STS: variants seen among roughly 807,000 people sequenced by gnomAD.
STS encodes the protein steroid sulfatase.
In STS, 7 loss-of-function variants were observed where a neutral mutation model predicts 26.8. The observed-to-expected ratio is 0.26, with a 90% CI of 0.15 to 0.49. The LOEUF (loss-of-function observed/expected upper bound fraction) is 0.49, where lower values mean the gene tolerates loss of function less well. Ranked by LOEUF, STS falls within the 20% of genes least tolerant of loss-of-function variation. The probability of loss-of-function intolerance (pLI) is 0.98; values close to 1 mark genes in which losing one functional copy is unlikely to be tolerated. For missense variants in STS, 434 were observed against 465.6 expected (o/e 0.93, Z 0.63); for synonymous variants, 199 against 189.4 (o/e 1.05, Z -0.42).
intron 7 of STS, among the ~76,000 whole-genome samples, chrX:7,277,451 A>G (rs1924596404): frequency 8.9e-6 from 1 of 111,738 alleles, no homozygotes; most frequent in Non-Finnish European, 1.9e-5. Flanking sequence ...GATTGTCAGA[A>G]CAAATTTTGT....
chrX:7,258,691 C>T (rs772819383), intron 5 of STS, among the ~76,000 whole-genome samples: 1 of 111,071 alleles, frequency 9.0e-6, no homozygotes, highest in African/African-American at 3.3e-5. Flanking sequence ...TTGTGAGGCA[C>T]TCATTAATTT....
chrX:7,192,583 T>C (rs1316524207), intron 2 of STS, among the ~76,000 whole-genome samples: 1 of 105,985 alleles, frequency 9.4e-6, no homozygotes, highest in Admixed American at 1.0e-4. Flanking sequence ...AAAAAATAGA[T>C]GAACGGCAGT....
intron 2 of STS, among the ~76,000 whole-genome samples, chrX:7,244,350 G>A (rs899930406): frequency 5.4e-5 from 6 of 111,873 alleles, no homozygotes; most frequent in Non-Finnish European, 1.1e-4. Flanking sequence ...CATAATTTGC[G>A]GAAGTATGTT....
At chrX:7,229,689 A>G (rs1424617101) in intron 2 of STS, among the ~76,000 whole-genome samples, 4 of 110,623 alleles carry the variant, frequency 3.6e-5, no homozygotes, top group African/African-American at 9.9e-5. Context: ...CCTCATCAGG[A>G]TGCTGATCTG....
intron 10 of STS, among the ~76,000 whole-genome samples, chrX:7,336,927 T>C (rs1474031127): frequency 5.4e-5 from 6 of 110,290 alleles, no homozygotes; most frequent in Non-Finnish European, 1.1e-4. Flanking sequence ...AAAATAGGAG[T>C]GAGAAAAACA....
At chrX:7,320,131 A>G (rs942207483) in intron 8 of STS, among the ~76,000 whole-genome samples, 34 of 96,394 alleles carry the variant, frequency 3.5e-4, no homozygotes, top group Admixed American at 1.1e-3. Flanking sequence ...TTTTATATAT[A>G]TTTTTATTAT....
chrX:7,271,798 A>T (rs1418996166), intron 6 of STS, among the ~76,000 whole-genome samples: 1 of 107,768 alleles, frequency 9.3e-6, no homozygotes, highest in Non-Finnish European at 1.9e-5. Context: ...AAAAAAAAAA[A>T]GGTTGGGGGG....
intron 2 of STS, among the ~76,000 whole-genome samples, chrX:7,197,513 A>G (rs1428090101): frequency 2.7e-5 from 3 of 111,933 alleles, no homozygotes; most frequent in Non-Finnish European, 5.6e-5. Flanking sequence ...CTCTAGGTAC[A>G]GTACTTGTTT....
intron 2 of STS, among the ~76,000 whole-genome samples, chrX:7,235,798 A>G (rs1159160905): frequency 9.0e-6 from 1 of 111,520 alleles, no homozygotes; most frequent in Non-Finnish European, 1.9e-5. Flanking sequence ...AAACATAGGG[A>G]AATTAAAGGA....
chrX:7,280,472 G>A (rs1924804798), intron 7 of STS, among the ~76,000 whole-genome samples: 1 of 112,235 alleles, frequency 8.9e-6, no homozygotes. Context: ...TTCAATCCCA[G>A]TTAATTCTGA....
At chrX:7,301,866 A>G (rs1436096380) in intron 7 of STS, among the ~76,000 whole-genome samples, 1 of 112,035 alleles carries the variant, frequency 8.9e-6, no homozygotes, top group African/African-American at 3.2e-5. Context: ...AGATCCTTCC[A>G]TGCTTTTCAT....
chrX:7,279,787 GCTT>G (rs1439653546), intron 7 of STS, among the ~76,000 whole-genome samples: 3 of 110,299 alleles, frequency 2.7e-5, no homozygotes, highest in Non-Finnish European at 5.7e-5. Flanking sequence ...GAGACTTGAG[GCTT>G]CTTCGGTTTA....
chrX:7,307,153 T>C (rs910994772), intron 8 of STS, among the ~76,000 whole-genome samples: 12 of 111,192 alleles, frequency 1.1e-4, no homozygotes, highest in Non-Finnish European at 2.1e-4. Flanking sequence ...TTCCTTTAGG[T>C]CTCATTGTTA....
chrX:7,320,430 T>A (rs776981210), intron 8 of STS, among the ~76,000 whole-genome samples: 26 of 110,945 alleles, frequency 2.3e-4, no homozygotes, highest in African/African-American at 8.5e-4. Flanking sequence ...TTTCCTGATT[T>A]AATAGTTTGG....
chrX:7,325,600 C>A, intron 9 of STS, 102 bp downstream of exon 9: 2 of 993,685 alleles, frequency 2.0e-6, no homozygotes, highest in East Asian at 6.1e-5. Context: ...GGCCTTTGGC[C>A]CCCTGGAGTT....
chrX:7,277,856 C>G (rs1490110628), intron 7 of STS, among the ~76,000 whole-genome samples: 2 of 112,152 alleles, frequency 1.8e-5, no homozygotes, highest in Non-Finnish European at 3.8e-5. Flanking sequence ...TTTTTCGCAT[C>G]TTAGTGTAAA....
intron 2 of STS, among the ~76,000 whole-genome samples, chrX:7,235,173 G>A (rs1284228144): frequency 8.9e-6 from 1 of 112,274 alleles, no homozygotes; most frequent in African/African-American, 3.2e-5. Context: ...TCTTAGATCT[G>A]AGCAAGAGAG....
chrX:7,156,947 G>C (rs1421909599), intron 1 of STS, among the ~76,000 whole-genome samples: 4 of 111,628 alleles, frequency 3.6e-5, no homozygotes, highest in African/African-American at 9.8e-5. Flanking sequence ...CCAAACCAGA[G>C]ATTTGAGAGC....
At chrX:7,276,739 G>A (rs1217450436) in intron 7 of STS, among the ~76,000 whole-genome samples, 2 of 112,141 alleles carry the variant, frequency 1.8e-5, no homozygotes, top group Non-Finnish European at 3.8e-5. Flanking sequence ...ACAGTGACGA[G>A]ATCCTCGTGT....
Sources: gnomAD v4.1 joint callset for allele counts (sites outside exome capture counted in the v4.1 genomes callset) on GRCh38, gnomAD v4.1.1 for gene constraint, MANE v1.5 for transcripts, NCBI Gene and HGNC (gene_info 2026-07-23, HGNC 2026-07-21) for gene names.